USP25: variants seen among roughly 807,000 people sequenced by gnomAD.
USP25 encodes the protein ubiquitin carboxyl-terminal hydrolase 25.
USP25 carries 85 observed loss-of-function variants against 158.5 expected under a neutral mutation model. The ratio of observed to expected loss-of-function variants is 0.54; its 90% confidence interval spans 0.45 to 0.64. The LOEUF is 0.64. Among genes scored for constraint, USP25 ranks in the 30% least tolerant of loss-of-function variants. USP25 has a pLI of 0.00. For synonymous variants in USP25, 464 were observed against 460.4 expected, an observed-to-expected ratio of 1.01 and a Z score of -0.10; for missense variants, 1,242 against 1,327.3, an observed-to-expected ratio of 0.94 and a Z score of 1.00.
At chr21:15,849,447 T>G (rs939616083) in intron 19 of USP25, among the ~76,000 whole-genome samples, 1 of 152,126 alleles carries the variant, frequency 6.6e-6, no homozygotes, top group Non-Finnish European at 1.5e-5. Context: ...CTTTTTTAAT[T>G]GGTAAAAAGG....
At chr21:15,834,319 A>G (rs2037955018) in intron 17 of USP25, among the ~76,000 whole-genome samples, 1 of 152,178 alleles carries the variant, frequency 6.6e-6, no homozygotes, top group African/African-American at 2.4e-5. Context: ...GTTTTAGGGC[A>G]ACATGTTTTC....
Position 15,847,733 on chromosome 21 carries a change from G to A in USP25, c.2408G>A (p.Gly803Glu). The A allele has an allele frequency of 6.5e-7, 1 of 1,550,012 alleles. No individual in the cohort carries two copies. The highest frequency in any genetic ancestry group is 8.7e-7 in the Non-Finnish European group (1 of 1,146,598). The change falls in exon 19 of 26, where the codon GGG (glycine) becomes GAG (glutamate). Residue 803 changes from glycine to glutamate, a missense_variant. Gly to Glu is a moderately conservative substitution (Grantham distance 98). Transcript: ENST00000400183. Reference sequence around the variant, plus strand: ...GTAGAGGTGGCGATCCCTCATGTAGGGAAATTTATGATTGAATCAAAGGAG... The same window carrying A: ...GTAGAGGTGGCGATCCCTCATGTAGAGAAATTTATGATTGAATCAAAGGAG... ...RVVEVAIPHV[G>E]KFMIESKEGG...
At chr21:15,828,009 C>A (rs1435154749) in intron 14 of USP25, among the ~76,000 whole-genome samples, 1 of 151,030 alleles carries the variant, frequency 6.6e-6, no homozygotes, top group African/African-American at 2.4e-5. Flanking sequence ...ATTATCATTC[C>A]CCAATTTTAT....
At chr21:15,733,053 G>A (rs1187636666) in intron 1 of USP25, among the ~76,000 whole-genome samples, 7 of 130,520 alleles carry the variant, frequency 5.4e-5, no homozygotes, top group Non-Finnish European at 3.1e-5. Context: ...TGTGCTTCAT[G>A]TTTACCAAAG....
In USP25 at chr21:15,792,225, T is replaced by C. The variant is rs892478453; in HGVS notation, c.555+561T>C. Reference sequence around the variant, plus strand: ...CTAAGAAATCCCTTAATGATACATTTCTTGATCTGCTTATTCTAAAATAAG... The same window carrying C: ...CTAAGAAATCCCTTAATGATACATTCCTTGATCTGCTTATTCTAAAATAAG... On this transcript the variant is annotated intron_variant, in intron 5 of 25. Transcript: ENST00000400183. Among the ~76,000 whole-genome samples the C allele has an allele frequency of 3.0e-4, 46 of 151,834 alleles. 1 individual carries two copies. The highest frequency in any genetic ancestry group is 1.1e-3 in the African/African-American group (45 of 41,520).
chr21:15,792,973 C>A (rs1397542093), intron 5 of USP25, among the ~76,000 whole-genome samples: 3 of 151,574 alleles, frequency 2.0e-5, no homozygotes, highest in African/African-American at 7.3e-5. Context: ...AATATTGATA[C>A]CTTAGAGATT....
At chr21:15,802,289 A>G (rs1490850309) in intron 6 of USP25, among the ~76,000 whole-genome samples, 1 of 151,726 alleles carries the variant, frequency 6.6e-6, no homozygotes, top group South Asian at 2.1e-4. Context: ...GTTGAGTACC[A>G]TACTGTATTC....
In USP25 at chr21:15,776,861, A is replaced by G. The variant is rs554980437; in HGVS notation, c.269-1043A>G. Reference sequence around the variant, plus strand: ...TCTCTAAAAAATAAAATTTAAAATAAGCAAATAACTAAAATGAAGGCAAAA... The same window carrying G: ...TCTCTAAAAAATAAAATTTAAAATAGGCAAATAACTAAAATGAAGGCAAAA... On this transcript the variant is annotated intron_variant, in intron 3 of 25. Transcript: ENST00000400183. Among the ~76,000 whole-genome samples, 4 of 152,252 alleles carry G rather than the reference A, an allele frequency of 2.6e-5. No individual in the cohort carries two copies. The East Asian group carries it at 7.7e-4, about 29-fold the overall frequency.
chr21:15,752,482 G>A (rs1302153658), intron 1 of USP25, among the ~76,000 whole-genome samples: 4 of 152,210 alleles, frequency 2.6e-5, no homozygotes, highest in African/African-American at 9.7e-5. Flanking sequence ...CCAAAGTGCT[G>A]GGATTACAGG....
At chr21:15,791,798 T>C (rs892465811) in intron 5 of USP25, 134 bp downstream of exon 5, 27 of 895,500 alleles carry the variant, frequency 3.0e-5, no homozygotes, top group Non-Finnish European at 3.9e-5. Context: ...TCTAATAAAC[T>C]AGCTTGGGGA....
chr21:15,789,359 C>T (rs1394847319), intron 4 of USP25, among the ~76,000 whole-genome samples: 1 of 152,056 alleles, frequency 6.6e-6, no homozygotes, highest in Non-Finnish European at 1.5e-5. Flanking sequence ...GTGCAGAAAT[C>T]AGATGTCCTC....
intron 4 of USP25, among the ~76,000 whole-genome samples, chr21:15,790,956 A>G (rs2035557866): frequency 6.6e-6 from 1 of 151,884 alleles, no homozygotes; most frequent in Non-Finnish European, 1.5e-5. Context: ...AAGGCAGTGA[A>G]CATACAGGTT....
intron 9 of USP25, among the ~76,000 whole-genome samples, chr21:15,811,480 T>G: frequency 6.6e-6 from 1 of 152,172 alleles, no homozygotes; most frequent in South Asian, 2.1e-4. Context: ...TACAATTATG[T>G]TGGAATACAG....
chr21:15,731,003 A>G (rs952476145), intron 1 of USP25, among the ~76,000 whole-genome samples: 3 of 63,832 alleles, frequency 4.7e-5, no homozygotes, highest in Non-Finnish European at 8.6e-5. Context: ...TTTTTTTTTC[A>G]ATATAGAAAC....
rs1555817369 is a variant in USP25 at position 15,730,356 on chromosome 21, GCGCCAC to G, written c.-33_-28del. ...GGCCGGCGGAGGCGCGAGGAGCCGG[GCGCCAC>G]CGCCGCCGCCGCCGCCGCCGCCGCG... On this transcript the variant is annotated 5_prime_UTR_variant, in exon 1 of 26. Transcript: ENST00000400183. 2.6e-6 allele frequency: 3 copies of G among 1,171,286 alleles called. No individual in the cohort carries two copies. The highest frequency in any genetic ancestry group is 1.7e-5 in the African/African-American group (1 of 57,578). 72.6% of individuals were successfully genotyped at this position (1,171,286 alleles called of 1,614,324 possible). A position where few individuals can be genotyped will look rare whatever the true frequency, so the allele number is the denominator to read the frequency against.
intron 10 of USP25, among the ~76,000 whole-genome samples, chr21:15,820,598 T>G (rs2037182383): frequency 6.6e-6 from 1 of 152,014 alleles, no homozygotes; most frequent in African/African-American, 2.4e-5. Context: ...TAATTCAGCT[T>G]GATTTAAGAG....
chr21:15,742,977 A>G (rs986976101), intron 1 of USP25, among the ~76,000 whole-genome samples: 1 of 152,188 alleles, frequency 6.6e-6, no homozygotes, highest in Non-Finnish European at 1.5e-5. Context: ...AAACTCGGAG[A>G]CGGCAGCAAC....
At chr21:15,811,950 A>G (rs1020382507) in intron 9 of USP25, among the ~76,000 whole-genome samples, 2 of 152,080 alleles carry the variant, frequency 1.3e-5, no homozygotes, top group African/African-American at 4.8e-5. Flanking sequence ...TTTCTTCACG[A>G]TCTTAAGTAG....
Position 15,766,203 on chromosome 21 carries a change from T to A in USP25, c.268+62T>A. 6.7e-7 allele frequency: 1 copy of A among 1,487,844 alleles called. No individual in the cohort carries two copies. Among genetic ancestry groups the A allele is most frequent in the Middle Eastern group, 1.9e-4 (1 of 5,334 alleles). 92.2% of individuals were successfully genotyped at this position (1,487,844 alleles called of 1,614,324 possible). ...ACATACTGAAAAACTTTTCTTGGTG[T>A]AATATATTAATGTTGCTTAAGGAGA... On this transcript the variant is annotated intron_variant, in intron 3 of 25. Transcript: ENST00000400183. This position sits in a 1 kb window ranked among gnomAD's most constrained non-coding sequence, Gnocchi z 4.0.
Sources: allele counts gnomAD v4.1 joint callset (sites outside exome capture counted in the v4.1 genomes callset), GRCh38; gene constraint gnomAD v4.1.1; non-coding constraint Gnocchi (gnomAD v3.1); transcripts MANE v1.5; gene names NCBI Gene and HGNC (gene_info 2026-07-23, HGNC 2026-07-21).